Variants in NAV3 observed in about 807,000 individuals in gnomAD.
NAV3 encodes the protein pore membrane and/or filament interacting like protein 1.
In NAV3, 87 loss-of-function variants were observed where a neutral mutation model predicts 244.7. That is an observed-to-expected ratio of 0.36 (90% CI 0.30 to 0.42). NAV3 has a LOEUF of 0.42. Ranked by LOEUF, NAV3 falls within the 20% of genes least tolerant of loss-of-function variation. The probability of loss-of-function intolerance (pLI) is 1.00; values close to 1 mark genes in which losing one functional copy is unlikely to be tolerated. For missense variants in NAV3, 2,663 were observed against 2,893.3 expected, an observed-to-expected ratio of 0.92 and a Z score of 1.83; for synonymous variants, 1,126 against 1,042.2, an observed-to-expected ratio of 1.08 and a Z score of -1.55.
intron 6 of NAV3, among the ~76,000 whole-genome samples, chr12:77,995,483 G>T (rs949034911): frequency 6.6e-6 from 1 of 152,138 alleles, no homozygotes; most frequent in Non-Finnish European, 1.5e-5. Context: ...GTTGCTGAAG[G>T]CATGATGGTA....
intron 31 of NAV3, among the ~76,000 whole-genome samples, chr12:78,186,622 A>G (rs1277211169): frequency 6.6e-6 from 1 of 151,986 alleles, no homozygotes; most frequent in Non-Finnish European, 1.5e-5. Context: ...TGGGTTATAA[A>G]CACACTGAAA....
intron 23 of NAV3, 140 bp downstream of exon 23, chr12:78,159,426 G>A (rs1016728875): frequency 5.7e-6 from 4 of 697,188 alleles, no homozygotes; most frequent in African/African-American, 5.5e-5. Context: ...CACTTTGGGA[G>A]ACCAAGGTGG....
chr12:77,968,454 T>C (rs1892701379), intron 4 of NAV3, 65 bp from the exon 5 acceptor site: 7 of 1,264,760 alleles, frequency 5.5e-6, no homozygotes, highest in Admixed American at 1.8e-5. Flanking sequence ...GAAATGCATC[T>C]AGAATTTGTT....
At position 78,119,556 on chromosome 12, in the gene NAV3, G is replaced by T; in HGVS notation, c.3360G>T (p.Gln1120His). 6 of 1,614,208 alleles carry T rather than the reference G, an allele frequency of 3.7e-6. No homozygotes were observed. Among genetic ancestry groups the T allele is most frequent in the Non-Finnish European group, 5.1e-6 (6 of 1,180,038 alleles). Residue 1120 changes from glutamine (Q) to histidine (H), a missense_variant, in exon 15 of 40, where the codon CAG (glutamine) becomes CAT (histidine). This residue lies in a region of NAV3 where 1,521 missense variants were observed against 1,497.0 expected (regional missense o/e 1.02). Coordinates refer to ENST00000397909, the MANE Select transcript of NAV3 (RefSeq NM_001024383.2). ...CCAGTTTGGACGGTTCACAGAATCA[G>T]GATGATGTTGTGCTGCATGTTAGCT... ...RKTSLDGSQN[Q>H]DDVVLHVSSK...
At chr12:77,779,220 A>G (rs1401024843) in intron 2 of NAV3, among the ~76,000 whole-genome samples, 1 of 152,224 alleles carries the variant, frequency 6.6e-6, no homozygotes, top group East Asian at 1.9e-4. Context: ...ACAACACTCA[A>G]AAATCTCACC....
At chr12:77,966,840 TA>T (rs1191859982) in intron 4 of NAV3, among the ~76,000 whole-genome samples, 5 of 152,086 alleles carry the variant, frequency 3.3e-5, no homozygotes, top group African/African-American at 1.2e-4. Flanking sequence ...AGATCATCAC[TA>T]AAATTGAAAG....
intron 2 of NAV3, among the ~76,000 whole-genome samples, chr12:77,723,147 G>A (rs1876714411): frequency 6.6e-6 from 1 of 151,990 alleles, no homozygotes; most frequent in Admixed American, 6.6e-5. Flanking sequence ...GAGAAAGAGA[G>A]CACATGCTCT....
chr12:77,618,021 T>A (rs753335691), intron 2 of NAV3, among the ~76,000 whole-genome samples: 1 of 152,098 alleles, frequency 6.6e-6, no homozygotes, highest in Admixed American at 6.6e-5. Context: ...TAATGCTGAG[T>A]GTGCAACAAG....
At chr12:78,162,499 T>A (rs1206832042) in intron 23 of NAV3, among the ~76,000 whole-genome samples, 4 of 152,060 alleles carry the variant, frequency 2.6e-5, no homozygotes, top group Non-Finnish European at 5.9e-5. Flanking sequence ...ATTTCTCATA[T>A]ATATCTCATA....
chr12:78,079,291 A>G (rs1953226595), intron 12 of NAV3, among the ~76,000 whole-genome samples: 1 of 152,210 alleles, frequency 6.6e-6, no homozygotes, highest in Non-Finnish European at 1.5e-5. Flanking sequence ...TCAGATTTAT[A>G]GCTTAGCTAG....
At chr12:77,886,714 C>T (rs977651323) in intron 1 of NAV3, among the ~76,000 whole-genome samples, 1 of 152,062 alleles carries the variant, frequency 6.6e-6, no homozygotes, top group African/African-American at 2.4e-5. Context: ...TCTTTCTGGA[C>T]TTGGATATGC....
chr12:78,010,230 A>G (rs1033421762), intron 8 of NAV3, among the ~76,000 whole-genome samples: 3 of 152,232 alleles, frequency 2.0e-5, no homozygotes, highest in African/African-American at 4.8e-5. Context: ...GCTTGTTTAT[A>G]GAGTCATGAC....
intron 9 of NAV3, among the ~76,000 whole-genome samples, chr12:78,040,018 A>G (rs1049891448): frequency 6.6e-6 from 1 of 152,104 alleles, no homozygotes; most frequent in African/African-American, 2.4e-5. Context: ...GGTAACTTGT[A>G]TTGTTGCTAA....
Position 77,683,483 on chromosome 12 carries a change from A to G in NAV3, c.72+111217A>G, listed in dbSNP as rs1195303370. Among the ~76,000 whole-genome samples the G allele has an allele frequency of 5.9e-5, 9 of 152,140 alleles. No homozygotes were observed. In the South Asian group the frequency reaches 1.9e-3, roughly 32 times the overall value. ...GGCTCCAGCTTTGATCTTTTTGCTT[A>G]GGATTGCTTCAGCTATTTGGGATCT... On this transcript the variant is annotated intron_variant, in intron 2 of 8. Transcript: ENST00000550042.
At chr12:77,756,056 C>G (rs942436576) in intron 2 of NAV3, among the ~76,000 whole-genome samples, 12 of 152,224 alleles carry the variant, frequency 7.9e-5, no homozygotes, top group African/African-American at 2.9e-4. Flanking sequence ...ACAAATTACA[C>G]TTATCTTTTT....
intron 18 of NAV3, among the ~76,000 whole-genome samples, chr12:78,133,243 G>A (rs1956238243): frequency 6.6e-6 from 1 of 151,914 alleles, no homozygotes; most frequent in South Asian, 2.1e-4. Flanking sequence ...TATGCTGTAT[G>A]GTTTCAGAGT....
chr12:77,723,755 C>CTTTTTTTT lies in NAV3; in HGVS notation c.72+151505_72+151512dup, dbSNP rs34518266. Among the ~76,000 whole-genome samples, 55 of 67,636 alleles carry CTTTTTTTT rather than the reference C, an allele frequency of 8.1e-4. 5 individuals are homozygous for CTTTTTTTT. Among genetic ancestry groups the CTTTTTTTT allele is most frequent in the East Asian group, 1.1e-3 (2 of 1,900 alleles). 44.4% of individuals were successfully genotyped at this position (67,636 alleles called of 152,430 possible). A position where few individuals can be genotyped will look rare whatever the true frequency, so the allele number is the denominator to read the frequency against. On this transcript the variant is annotated intron_variant, in intron 2 of 8. Coordinates refer to the NAV3 transcript ENST00000550042. ...AGGAGTTTCTTCTTGGCAATCTTGA[C>CTTTTTTTT]TTTTTTTTTTTTTTTTTTTTTTTAC...
At chr12:77,749,888 A>T (rs1214217854) in intron 2 of NAV3, among the ~76,000 whole-genome samples, 1 of 152,166 alleles carries the variant, frequency 6.6e-6, no homozygotes. Context: ...AACAGATGCT[A>T]GAGTTCTTTT....
At chr12:78,170,211 C>G (rs980642896) in intron 24 of NAV3, among the ~76,000 whole-genome samples, 13 of 151,712 alleles carry the variant, frequency 8.6e-5, no homozygotes, top group Non-Finnish European at 1.0e-4. Flanking sequence ...TTGCACTTGT[C>G]TTCTGTCTCA....
Sources: gnomAD v4.1 joint callset for allele counts (sites outside exome capture counted in the v4.1 genomes callset) on GRCh38, gnomAD v4.1.1 for gene constraint, gnomAD v4.1.1 regional missense constraint, MANE v1.5 for transcripts, NCBI Gene and HGNC (gene_info 2026-07-23, HGNC 2026-07-21) for gene names.